The following MSANTD2 variants were observed in gnomAD, a reference collection of about 807,000 sequenced individuals.
MSANTD2 encodes Myb/SANT DNA binding domain containing 2.
Under a neutral mutation model 52.6 loss-of-function variants are expected in MSANTD2, and 19 were observed. That is an observed-to-expected ratio of 0.36 (90% confidence interval 0.25 to 0.53). The LOEUF (loss-of-function observed/expected upper bound fraction) is 0.53, where lower values mean the gene tolerates loss of function less well. MSANTD2 is among the 20% of genes least tolerant of loss of function. The pLI is 0.91. For synonymous variants in MSANTD2, 291 were observed against 289.7 expected (o/e 1.00, Z -0.04); for missense variants, 558 against 716.3 (o/e 0.78, Z 2.52).
intron 3 of MSANTD2, among the ~76,000 whole-genome samples, chr11:124,771,751 A>C (rs1355115040): frequency 6.6e-6 from 1 of 152,200 alleles, no homozygotes; most frequent in African/African-American, 2.4e-5. Context: ...TCAAACAAAC[A>C]AACAAAACAA....
At chr11:124,778,865 C>T (rs1226339520) in intron 1 of MSANTD2, among the ~76,000 whole-genome samples, 1 of 151,758 alleles carries the variant, frequency 6.6e-6, no homozygotes, top group Non-Finnish European at 1.5e-5. Context: ...TATGGGGAGT[C>T]TATGGGGGAG....
At chr11:124,789,298 GGTTT>G (rs1417252076) in intron 1 of MSANTD2, 6 of 152,050 alleles carry the variant, frequency 3.9e-5, no homozygotes, top group Admixed American at 6.6e-5. Flanking sequence ...AAACATAATT[GGTTT>G]ATTTGAATCA....
intron 3 of MSANTD2, among the ~76,000 whole-genome samples, chr11:124,769,495 C>T (rs1342975311): frequency 1.3e-5 from 2 of 152,110 alleles, no homozygotes; most frequent in South Asian, 2.1e-4. Flanking sequence ...CTGCATAGGT[C>T]GATGCTTTAA....
chr11:124,791,705 G>A (rs1945336971), intron 1 of MSANTD2: 1 of 1,019,264 alleles, frequency 9.8e-7, no homozygotes, highest in Non-Finnish European at 1.5e-6. Context: ...CTGGGGAAGG[G>A]GAAAGATGAG....
intron 1 of MSANTD2, among the ~76,000 whole-genome samples, chr11:124,785,769 T>C (rs1945139266): frequency 6.6e-6 from 1 of 151,472 alleles, no homozygotes; most frequent in Admixed American, 6.6e-5. Flanking sequence ...TATATGTATC[T>C]TATGTATATA....
intron 3 of MSANTD2, among the ~76,000 whole-genome samples, chr11:124,770,198 G>A (rs1944451632): frequency 6.6e-6 from 1 of 152,144 alleles, no homozygotes; most frequent in South Asian, 2.1e-4. Flanking sequence ...TCCCTTGAAG[G>A]TCCTGAATGA....
At chr11:124,777,050 T>C (rs1452510785) in intron 1 of MSANTD2, among the ~76,000 whole-genome samples, 1 of 152,254 alleles carries the variant, frequency 6.6e-6, no homozygotes, top group Non-Finnish European at 1.5e-5. Flanking sequence ...CATTTGACTT[T>C]CTACACACTC....
rs547435709 is a variant in MSANTD2, at chr11:124,774,384, A to G, written c.766+335T>C. Among the ~76,000 whole-genome samples, 10 of 152,374 alleles carry G rather than the reference A, an allele frequency of 6.6e-5. No individual in the cohort carries two copies. Among genetic ancestry groups the G allele is most frequent in the African/African-American group, 2.4e-4 (10 of 41,596 alleles). Reference sequence around the variant, plus strand: ...AGGTACAGGATATTTAGAATTGCATAGGATGTTACCTGTCACTGAGTGTAC... The same window carrying G: ...AGGTACAGGATATTTAGAATTGCATGGGATGTTACCTGTCACTGAGTGTAC... On this transcript the variant is annotated intron_variant, in intron 2 of 3. Transcript: ENST00000374979. This position sits in a 1 kb window ranked among gnomAD's most constrained non-coding sequence, Gnocchi z 5.1.
At chr11:124,795,670 AT>A (rs1450993117) in intron 1 of MSANTD2, among the ~76,000 whole-genome samples, 1 of 152,198 alleles carries the variant, frequency 6.6e-6, no homozygotes, top group Non-Finnish European at 1.5e-5. Context: ...ACAGGAGTGT[AT>A]ATTATACTTT....
At chr11:124,786,918 G>A (rs1177949414) in intron 1 of MSANTD2, among the ~76,000 whole-genome samples, 4 of 152,208 alleles carry the variant, frequency 2.6e-5, no homozygotes, top group East Asian at 1.9e-4. Context: ...TAAGCAAGTG[G>A]TTAAGAAGAG....
chr11:124,796,260 G>A (rs1462655112), intron 1 of MSANTD2, among the ~76,000 whole-genome samples: 1 of 152,176 alleles, frequency 6.6e-6, no homozygotes, highest in Admixed American at 6.5e-5. Flanking sequence ...GATTCAGGAA[G>A]GTGGTCAGAA....
chr11:124,799,779 C>T, intron 1 of MSANTD2, 92 bp downstream of exon 1: 1 of 910,572 alleles, frequency 1.1e-6, no homozygotes, highest in Non-Finnish European at 1.6e-6. Context: ...CGGAGGAGAG[C>T]CCTGCCCTCA....
intron 1 of MSANTD2, chr11:124,776,006 C>T (rs1456970086): frequency 3.3e-5 from 5 of 152,150 alleles, no homozygotes; most frequent in Admixed American, 6.5e-5. Flanking sequence ...TAAGTTGCAA[C>T]CAGTCTCTAT....
chr11:124,786,764 A>G (rs568080014), intron 1 of MSANTD2, among the ~76,000 whole-genome samples: 1 of 152,380 alleles, frequency 6.6e-6, no homozygotes, highest in South Asian at 2.1e-4. Context: ...ATGACAAGAA[A>G]TATCAGCATA....
intron 1 of MSANTD2, among the ~76,000 whole-genome samples, chr11:124,795,837 C>A (rs1945475942): frequency 6.6e-6 from 1 of 152,092 alleles, no homozygotes; most frequent in Non-Finnish European, 1.5e-5. Flanking sequence ...AGATAAAAAA[C>A]TACCTAGATT....
chr11:124,775,647 T>C (rs566200716), intron 1 of MSANTD2: 4 of 152,426 alleles, frequency 2.6e-5, no homozygotes, highest in East Asian at 3.9e-4. Context: ...CGTCTAAAGC[T>C]AGACAATCTA....
intron 1 of MSANTD2, chr11:124,791,744 G>T: frequency 1.4e-6 from 1 of 730,680 alleles, no homozygotes; most frequent in Non-Finnish European, 2.3e-6. Context: ...GGTGAAAAGG[G>T]GAGCCAATGC....
chr11:124,799,800 C>T, intron 1 of MSANTD2, 71 bp downstream of exon 1: 1 of 1,217,376 alleles, frequency 8.2e-7, no homozygotes, highest in Non-Finnish European at 1.1e-6. Context: ...GACCGGCCCC[C>T]GCCCCCGAGG....
chr11:124,775,896 T>C (rs1944724035), intron 1 of MSANTD2: 1 of 152,266 alleles, frequency 6.6e-6, no homozygotes, highest in Non-Finnish European at 1.5e-5. Flanking sequence ...TATTTCTGAT[T>C]ATTAGCCCAG....
Sources: gnomAD v4.1 joint callset for allele counts (sites outside exome capture counted in the v4.1 genomes callset) on GRCh38, gnomAD v4.1.1 for gene constraint, Gnocchi (gnomAD v3.1) non-coding constraint, MANE v1.5 for transcripts, NCBI Gene and HGNC (gene_info 2026-07-23, HGNC 2026-07-21) for gene names.